MICAL3: variants seen among roughly 807,000 people sequenced by gnomAD.
MICAL3 encodes the protein microtubule associated monooxygenase, calponin and LIM domain containing 3, also known as [F-actin]-monooxygenase MICAL3.
In MICAL3, 62 loss-of-function variants were observed where a neutral mutation model predicts 207.4. The observed-to-expected ratio is 0.30, with a 90% CI of 0.24 to 0.37. The LOEUF (loss-of-function observed/expected upper bound fraction) is 0.37, where lower values mean the gene tolerates loss of function less well. Ranked by LOEUF, MICAL3 falls within the 10% of genes least tolerant of loss-of-function variation. MICAL3 has a pLI of 1.00. For missense variants in MICAL3, 2,368 were observed against 2,635.6 expected, an observed-to-expected ratio of 0.90 and a Z score of 2.22; for synonymous variants, 1,077 against 1,069.3, an observed-to-expected ratio of 1.01 and a Z score of -0.14.
intron 7 of MICAL3, among the ~76,000 whole-genome samples, chr22:17,899,016 T>C (rs1437837955): frequency 6.6e-6 from 1 of 152,210 alleles, no homozygotes; most frequent in Non-Finnish European, 1.5e-5. Context: ...TCCCAAAAGA[T>C]AACTCTTCAA....
intron 1 of MICAL3, among the ~76,000 whole-genome samples, chr22:18,008,519 C>G (rs1286793002): frequency 1.3e-5 from 2 of 152,166 alleles, no homozygotes; most frequent in East Asian, 3.9e-4. Flanking sequence ...ATTCATAGTC[C>G]TGTGGACCTA....
At chr22:17,958,342 G>A (rs899203653) in intron 1 of MICAL3, among the ~76,000 whole-genome samples, 1 of 152,200 alleles carries the variant, frequency 6.6e-6, no homozygotes, top group Non-Finnish European at 1.5e-5. Flanking sequence ...CAGAGAGACT[G>A]AGTTGAACGC....
chr22:17,967,490 ACACCCACACACACC>A (rs1569150717), intron 1 of MICAL3, among the ~76,000 whole-genome samples: 8 of 111,322 alleles, frequency 7.2e-5, no homozygotes, highest in South Asian at 2.4e-4. Context: ...ACACACACAC[ACACCCACACACACC>A]CACTCATGCC....
Position 17,791,328 on chromosome 22 carries a change from G to T in MICAL3, c.5651-27C>A, listed in dbSNP as rs780205402. 9 of 1,587,102 alleles carry T rather than the reference G, an allele frequency of 5.7e-6. No individual in the cohort carries two copies. The African/African-American group carries it at 1.2e-4, about 21-fold the overall frequency. ...TGCCGAGAGAACGCTTGTGTCGGGT[G>T]CAGGGAGTGCCGCGCCCACCCTGGC... On this transcript the variant is annotated intron_variant, in intron 29 of 31. Transcript: ENST00000441493.
chr22:17,871,898 G>A lies in MICAL3; in HGVS notation c.2367C>T (p.Phe789=), dbSNP rs755811411. ...GGGTGGTGGCGCAGTACTCGCACTTGAAGCAGCTCCGGTGGAAGAACTTGC... is the reference window on the plus strand; with the variant it reads ...GGGTGGTGGCGCAGTACTCGCACTTAAAGCAGCTCCGGTGGAAGAACTTGC... The part of the protein sequence containing the change: ...AEGKFFHRSC[F]KCEYCATTLR... The change falls in exon 17 of 32, where the codon TTC becomes TTT. Residue 789 remains phenylalanine, a synonymous_variant. Transcript: ENST00000441493. 19 of 1,611,584 alleles carry A rather than the reference G, an allele frequency of 1.2e-5. No homozygotes were observed. The highest frequency in any genetic ancestry group is 1.5e-5 in the Non-Finnish European group (18 of 1,179,050).
chr22:17,999,856 T>C (rs1440935178), intron 1 of MICAL3, among the ~76,000 whole-genome samples: 2 of 152,186 alleles, frequency 1.3e-5, no homozygotes, highest in Non-Finnish European at 2.9e-5. Context: ...ATAAAAGAGA[T>C]TTAAAACTTC....
intron 3 of MICAL3, 72 bp downstream of exon 3, chr22:17,904,560 G>T: frequency 6.1e-6 from 7 of 1,143,762 alleles, no homozygotes; most frequent in Non-Finnish European, 8.0e-6. Context: ...CAGCTAATCT[G>T]CCTGTCTCTT....
chr22:17,875,208 G>C, intron 16 of MICAL3: 1 of 298,104 alleles, frequency 3.4e-6, no homozygotes, highest in South Asian at 9.2e-5. Flanking sequence ...CACATCAACA[G>C]ACCTGGATGT....
chr22:17,915,134 G>A (rs963888454), intron 1 of MICAL3, among the ~76,000 whole-genome samples: 1 of 152,200 alleles, frequency 6.6e-6, no homozygotes, highest in African/African-American at 2.4e-5. Flanking sequence ...CTCAAGGGCC[G>A]GAATCCAATC....
chr22:17,874,861 C>T (rs1018429629), intron 16 of MICAL3, among the ~76,000 whole-genome samples: 1 of 151,902 alleles, frequency 6.6e-6, no homozygotes, highest in Admixed American at 6.6e-5. Context: ...ACACCATACG[C>T]GTGCATATGC....
intron 11 of MICAL3, among the ~76,000 whole-genome samples, chr22:17,892,754 T>C (rs919485727): frequency 6.6e-6 from 1 of 152,228 alleles, no homozygotes; most frequent in Non-Finnish European, 1.5e-5. Context: ...TCCAACTGCC[T>C]GCTGGTCCTC....
Position 17,827,738 on chromosome 22 carries a change from A to G in MICAL3, c.3099T>C (p.Pro1033=). The G allele has an allele frequency of 6.4e-7, 1 of 1,565,472 alleles. No individual in the cohort carries two copies. The highest frequency in any genetic ancestry group is 8.7e-7 in the Non-Finnish European group (1 of 1,155,294). ...AGTGCACGTCAGCCTGGATCTCCAG[A>G]GGATCCGCCGCGTGCATGACCTGCT... The part of the protein sequence containing the change: ...RLQQVMHAAD[P]LEIQADVHWT... Residue 1033 remains proline (P), a synonymous_variant, in exon 22 of 32, where the codon CCT becomes CCC. Transcript: ENST00000441493.
At chr22:17,935,570 T>C (rs1017820730) in intron 1 of MICAL3, among the ~76,000 whole-genome samples, 1 of 152,130 alleles carries the variant, frequency 6.6e-6, no homozygotes, top group Non-Finnish European at 1.5e-5. Context: ...AAAGCCAAAA[T>C]AGACAAATGG....
At chr22:17,911,030 A>C (rs374262279) in intron 1 of MICAL3, among the ~76,000 whole-genome samples, 8 of 152,106 alleles carry the variant, frequency 5.3e-5, no homozygotes, top group African/African-American at 1.9e-4. Flanking sequence ...CTGGGGGAGG[A>C]AGAGGAGGTG....
intron 16 of MICAL3, among the ~76,000 whole-genome samples, chr22:17,877,517 G>A (rs1256321905): frequency 4.4e-5 from 6 of 137,100 alleles, no homozygotes; most frequent in East Asian, 2.1e-4. Context: ...AGGTTAGGGA[G>A]GTTAGGGAGG....
chr22:17,818,822 A>ATGGGGGACTGGG lies in MICAL3; in HGVS notation c.3827_3838dup (p.Thr1276_Pro1279dup), dbSNP rs1478945060. 1 of 1,335,284 alleles carries ATGGGGGACTGGG rather than the reference A, an allele frequency of 7.5e-7. No individual in the cohort carries two copies. Among genetic ancestry groups the ATGGGGGACTGGG allele is most frequent in the African/African-American group, 1.6e-5 (1 of 63,480 alleles). The allele number at this position is 1,335,284 out of a possible 1,614,324, so 82.7% of individuals were successfully genotyped here. ...TTTGGCCGGGGCAGGCTGGAAGCGT[A>ATGGGGGACTGGG]TGGGGGACTGGGTAGGGGATGGGAC... On this transcript the variant is annotated inframe_insertion, in exon 26 of 32. Coordinates refer to ENST00000441493, the MANE Select transcript of MICAL3 (RefSeq NM_015241.3).
chr22:17,820,142 C>CAAAA (rs35565268), intron 25 of MICAL3, among the ~76,000 whole-genome samples: 3 of 120,126 alleles, frequency 2.5e-5, no homozygotes, highest in African/African-American at 6.2e-5. Flanking sequence ...GACCCTGTCT[C>CAAAA]AAAAAAAAAA....
chr22:17,984,533 TC>T (rs1245902884), intron 1 of MICAL3, among the ~76,000 whole-genome samples: 2 of 139,680 alleles, frequency 1.4e-5, no homozygotes, highest in African/African-American at 2.7e-5. Flanking sequence ...TTCCCAGACC[TC>T]CCCCCCACCC....
chr22:17,899,413 A>G lies in MICAL3; in HGVS notation c.948+35T>C, dbSNP rs773642086. 19 of 1,364,954 alleles carry G rather than the reference A, an allele frequency of 1.4e-5. No homozygotes were observed. In the East Asian group the frequency reaches 1.4e-4, roughly 10 times the overall value. The allele number at this position is 1,364,954 out of a possible 1,614,324, so 84.6% of individuals were successfully genotyped here. The stretch of plus-strand genomic sequence containing the variant: ...TCTCTTGGTGATATTAACCACTTCA[A>G]TAAGAAAGAGTTTTGAAGGAAATCC... On this transcript the variant is annotated intron_variant, in intron 7 of 31. Coordinates refer to ENST00000441493, the MANE Select transcript of MICAL3 (RefSeq NM_015241.3).
Sources: allele counts gnomAD v4.1 joint callset (sites outside exome capture counted in the v4.1 genomes callset), GRCh38; gene constraint gnomAD v4.1.1; transcripts MANE v1.5; gene names NCBI Gene and HGNC (gene_info 2026-07-23, HGNC 2026-07-21).